Variants in KCNN2 observed in about 807,000 individuals in gnomAD.
The protein encoded by KCNN2 is potassium calcium-activated channel subfamily N member 2.
A neutral mutation model predicts 55.5 loss-of-function variants in KCNN2; 24 were observed. The observed-to-expected ratio is 0.43, with a 90% CI of 0.31 to 0.61. KCNN2 has a LOEUF of 0.61. KCNN2 is among the 20% of genes least tolerant of loss of function. The pLI is 0.08. For missense variants in KCNN2, 754 were observed against 853.6 expected (o/e 0.88, Z 1.45); for synonymous variants, 431 against 336.1 (o/e 1.28, Z -3.09).
Position 114,218,508 on chromosome 5 carries a change from G to A in KCNN2, c.-270-2972G>A, listed in dbSNP as rs181396473. On this transcript the variant is annotated intron_variant, in intron 1 of 10. Coordinates refer to the KCNN2 transcript ENST00000512097. Reference sequence around the variant, plus strand: ...CATCTTCAAAGGCTACATACTGTATGATTCTAGCTATGTGACATTATGGAA... The same window carrying A: ...CATCTTCAAAGGCTACATACTGTATAATTCTAGCTATGTGACATTATGGAA... 2.6e-5 allele frequency among the ~76,000 whole-genome samples: 4 copies of A among 152,304 alleles called. No individual in the cohort carries two copies. The East Asian group carries it at 7.7e-4, about 29-fold the overall frequency.
At chr5:114,256,657 C>A (rs1166174788) in intron 2 of KCNN2, among the ~76,000 whole-genome samples, 1 of 151,914 alleles carries the variant, frequency 6.6e-6, no homozygotes, top group African/African-American at 2.4e-5. Context: ...TGATTTTTTA[C>A]CATTTGTATG....
At chr5:114,251,126 C>A (rs1157569571) in intron 2 of KCNN2, among the ~76,000 whole-genome samples, 1 of 152,212 alleles carries the variant, frequency 6.6e-6, no homozygotes, top group Non-Finnish European at 1.5e-5. Context: ...AGCTGAGTAT[C>A]ATGGGCCCTT....
At chr5:114,419,917 G>C (rs184105605) in intron 3 of KCNN2, among the ~76,000 whole-genome samples, 10 of 152,336 alleles carry the variant, frequency 6.6e-5, no homozygotes, top group Admixed American at 3.9e-4. Flanking sequence ...AGGATCACTT[G>C]AGCCCAGGAG....
chr5:114,371,942 T>G (rs1056488829), intron 2 of KCNN2, among the ~76,000 whole-genome samples: 2 of 152,190 alleles, frequency 1.3e-5, no homozygotes, highest in African/African-American at 4.8e-5. Flanking sequence ...TCACAGAAAT[T>G]TGCCCAGTGA....
intron 2 of KCNN2, among the ~76,000 whole-genome samples, chr5:114,254,872 T>G (rs1292057547): frequency 6.6e-6 from 1 of 152,200 alleles, no homozygotes; most frequent in African/African-American, 2.4e-5. Context: ...CAATTAACTC[T>G]AGAAAACCTG....
intron 2 of KCNN2, among the ~76,000 whole-genome samples, chr5:114,237,975 G>A (rs1754538432): frequency 6.6e-6 from 1 of 152,188 alleles, no homozygotes; most frequent in South Asian, 2.1e-4. Flanking sequence ...TAGCTCAGAA[G>A]TGACACTTGA....
intron 2 of KCNN2, among the ~76,000 whole-genome samples, chr5:114,292,178 A>G (rs1266633088): frequency 6.7e-6 from 1 of 148,660 alleles, no homozygotes; most frequent in Non-Finnish European, 1.5e-5. Context: ...TTTGCTGTGC[A>G]GAAGCTCTTT....
chr5:114,245,074 A>G (rs904126816), intron 2 of KCNN2, among the ~76,000 whole-genome samples: 9 of 152,234 alleles, frequency 5.9e-5, no homozygotes, highest in Non-Finnish European at 1.0e-4. Context: ...GTGTTTAGCC[A>G]TTTGCAAACA....
At chr5:114,272,918 T>G (rs1219571427) in intron 2 of KCNN2, among the ~76,000 whole-genome samples, 1 of 152,172 alleles carries the variant, frequency 6.6e-6, no homozygotes, top group African/African-American at 2.4e-5. Context: ...GTGTTACATG[T>G]ACAGAATGTG....
intron 1 of KCNN2, among the ~76,000 whole-genome samples, chr5:114,085,862 CT>C (rs902996985): frequency 3.3e-5 from 5 of 151,846 alleles, no homozygotes; most frequent in Admixed American, 2.0e-4. Context: ...TTATCCGTTC[CT>C]TTTTTAAGTT....
chr5:114,263,577 G>C (rs959524987), intron 2 of KCNN2, among the ~76,000 whole-genome samples: 3 of 152,088 alleles, frequency 2.0e-5, no homozygotes, highest in Non-Finnish European at 2.9e-5. Flanking sequence ...TCTGGCTCTT[G>C]CTCAGTGGGC....
intron 1 of KCNN2, among the ~76,000 whole-genome samples, chr5:114,087,816 C>T (rs1486859500): frequency 6.6e-6 from 1 of 151,766 alleles, no homozygotes; most frequent in Admixed American, 6.6e-5. Flanking sequence ...TTAATATTAT[C>T]TTTAACTTCT....
intron 1 of KCNN2, among the ~76,000 whole-genome samples, chr5:114,124,400 T>A (rs1161414993): frequency 1.3e-5 from 2 of 152,118 alleles, no homozygotes; most frequent in Non-Finnish European, 2.9e-5. Context: ...GGCGGTGAGG[T>A]AAGGGACACC....
At chr5:114,470,746 T>G (rs576664979) in intron 4 of KCNN2, among the ~76,000 whole-genome samples, 1 of 152,308 alleles carries the variant, frequency 6.6e-6, no homozygotes, top group African/African-American at 2.4e-5. Context: ...ATGACTCTTA[T>G]AAGAATTTTG....
intron 2 of KCNN2, among the ~76,000 whole-genome samples, chr5:114,241,753 T>C (rs4274971): frequency 0.64 from 11,707 of 18,326 alleles, 4,285 homozygotes; most frequent in Middle Eastern, 0.83. Flanking sequence ...TATATATATG[T>C]ATATATATAC....
chr5:114,163,623 C>A (rs1054713479), intron 1 of KCNN2, among the ~76,000 whole-genome samples: 1 of 152,150 alleles, frequency 6.6e-6, no homozygotes, highest in Non-Finnish European at 1.5e-5. Flanking sequence ...ACTGCTTTCA[C>A]TGTTGTTGCC....
At chr5:114,203,078 G>T (rs1580615214) in intron 1 of KCNN2, among the ~76,000 whole-genome samples, 1 of 152,138 alleles carries the variant, frequency 6.6e-6, no homozygotes, top group Admixed American at 6.5e-5. Flanking sequence ...GCCATTCAAG[G>T]TTATTTTGCT....
intron 1 of KCNN2, among the ~76,000 whole-genome samples, chr5:114,129,545 C>G (rs1370454672): frequency 6.6e-6 from 1 of 152,206 alleles, no homozygotes; most frequent in Non-Finnish European, 1.5e-5. Context: ...TCATAGAAGT[C>G]TTTTGAACCA....
At chr5:114,212,342 G>A (rs1474565320) in intron 1 of KCNN2, among the ~76,000 whole-genome samples, 2 of 152,028 alleles carry the variant, frequency 1.3e-5, no homozygotes, top group East Asian at 3.9e-4. Flanking sequence ...CTGATGATAG[G>A]CAAATCTATA....
Sources: gnomAD v4.1 joint callset for allele counts (sites outside exome capture counted in the v4.1 genomes callset) on GRCh38, gnomAD v4.1.1 for gene constraint, MANE v1.5 for transcripts, NCBI Gene and HGNC (gene_info 2026-07-23, HGNC 2026-07-21) for gene names.